The following IPO5 variants were observed in gnomAD, a reference collection of about 807,000 sequenced individuals.
IPO5 encodes the protein importin-5.
IPO5 carries 18 observed loss-of-function variants against 143.3 expected under a neutral mutation model. The ratio of observed to expected loss-of-function variants is 0.13; its 90% CI spans 0.09 to 0.19. The LOEUF (loss-of-function observed/expected upper bound fraction) is 0.19, where lower values mean the gene tolerates loss of function less well. Among genes scored for constraint, IPO5 ranks in the 10% least tolerant of loss-of-function variants. The pLI is 1.00. For missense variants in IPO5, 1,013 were observed against 1,336.9 expected, an observed-to-expected ratio of 0.76 and a Z score of 3.78; for synonymous variants, 477 against 465.7, an observed-to-expected ratio of 1.02 and a Z score of -0.31.
intron 16 of IPO5, among the ~76,000 whole-genome samples, chr13:98,005,602 T>G (rs1310340260): frequency 6.6e-6 from 1 of 151,944 alleles, no homozygotes; most frequent in Non-Finnish European, 1.5e-5. Context: ...CACCAGATCT[T>G]TGGTGCAGAG....
chr13:98,014,331 G>T, intron 22 of IPO5, 117 bp downstream of exon 22: 1 of 690,380 alleles, frequency 1.4e-6, no homozygotes, highest in Non-Finnish European at 2.3e-6. Context: ...AGGCTGGAGT[G>T]CAGTGGCGCA....
chr13:98,006,058 G>A (rs1471655060), intron 16 of IPO5, 72 bp from the exon 17 acceptor site: 1 of 976,736 alleles, frequency 1.0e-6, no homozygotes, highest in Non-Finnish European at 1.6e-6. Context: ...GAACTTGAAG[G>A]GAGTAGTAAT....
chr13:98,019,593 T>C lies in IPO5; in HGVS notation c.2849T>C (p.Leu950Pro). ...YRPFCTEALP[L>P]LVRVIQSADS... ...ATGCTTATTTTAGAAGCACTTCCCC[T>C]GCTGGTAAGAGTTATTCAGTCTGCG... is the stretch of plus-strand genomic sequence containing the variant. Residue 950 changes from leucine to proline, a missense_variant, in exon 27 of 29, where the codon CTG becomes CCG. By Grantham distance (98) the Leu-to-Pro change is moderately conservative. Coordinates refer to ENST00000651721, the MANE Select transcript of IPO5 (RefSeq NM_002271.6). The C allele has an allele frequency of 2.5e-6, 4 of 1,612,600 alleles. No homozygotes were observed. Among genetic ancestry groups the C allele is most frequent in the Non-Finnish European group, 3.4e-6 (4 of 1,178,860 alleles).
intron 17 of IPO5, chr13:98,007,488 T>TA (rs1176027508): frequency 3.3e-5 from 5 of 152,414 alleles, no homozygotes; most frequent in African/African-American, 1.2e-4. Flanking sequence ...CCCTGAGAAT[T>TA]ATCAACAGAG....
chr13:98,016,361 C>T (rs1045836532), intron 24 of IPO5, among the ~76,000 whole-genome samples: 3 of 152,130 alleles, frequency 2.0e-5, no homozygotes, highest in African/African-American at 7.2e-5. Context: ...CACCATCCAC[C>T]CCGAAATGAG....
intron 13 of IPO5, among the ~76,000 whole-genome samples, chr13:98,001,074 A>G (rs1888729541): frequency 6.6e-6 from 1 of 152,258 alleles, no homozygotes; most frequent in East Asian, 1.9e-4. Context: ...GGATTTCGCC[A>G]TGTTGCCCAG....
intron 12 of IPO5, among the ~76,000 whole-genome samples, chr13:97,997,822 T>G (rs1888427123): frequency 6.6e-6 from 1 of 152,218 alleles, no homozygotes; most frequent in South Asian, 2.1e-4. Flanking sequence ...TTAATAAAAT[T>G]TATGTTTCTT....
At chr13:97,977,164 C>T (rs942831088) in intron 4 of IPO5, 23 of 155,072 alleles carry the variant, frequency 1.5e-4, no homozygotes, top group Admixed American at 5.2e-4. Context: ...CCCCCACTGC[C>T]CTTCCAGCCG....
At position 98,008,154 on chromosome 13, in the gene IPO5, T is replaced by TA; in HGVS notation, c.1800+14dup. 2 of 1,534,308 alleles carry TA rather than the reference T, an allele frequency of 1.3e-6. No individual in the cohort carries two copies. The highest frequency in any genetic ancestry group is 1.8e-6 in the Non-Finnish European group (2 of 1,107,558). On this transcript the variant is annotated intron_variant, in intron 18 of 28. Coordinates refer to ENST00000651721, the MANE Select transcript of IPO5 (RefSeq NM_002271.6). ...ATGATGATCCTCAGGTAAGTGGTCT[T>TA]AATGCATTTGCTTTGATCCGCTAAT... is the stretch of plus-strand genomic sequence containing the variant.
intron 5 of IPO5, 33 bp from the exon 6 acceptor site, chr13:97,985,388 A>G: frequency 6.5e-7 from 1 of 1,532,712 alleles, no homozygotes; most frequent in Middle Eastern, 1.7e-4. Context: ...TGGCAGAGTG[A>G]ATCTAGTTAT....
chr13:98,001,323 A>G (rs1314920889), intron 13 of IPO5, among the ~76,000 whole-genome samples: 1 of 152,160 alleles, frequency 6.6e-6, no homozygotes, highest in African/African-American at 2.4e-5. Flanking sequence ...ATTAAAATTC[A>G]GAAGTATTAA....
intron 22 of IPO5, 106 bp from the exon 23 acceptor site, chr13:98,015,424 G>A: frequency 3.0e-6 from 2 of 663,798 alleles, no homozygotes; most frequent in Non-Finnish European, 5.4e-6. Context: ...AATCTTCCAG[G>A]ATACTGAACT....
chr13:97,994,306 T>A (rs201938086), intron 11 of IPO5, among the ~76,000 whole-genome samples: 1 of 149,576 alleles, frequency 6.7e-6, no homozygotes, highest in South Asian at 2.2e-4. Flanking sequence ...GAAACTCGTC[T>A]CAAAAAAAAG....
chr13:97,973,610 T>C (rs1886013920), intron 3 of IPO5, among the ~76,000 whole-genome samples: 1 of 152,210 alleles, frequency 6.6e-6, no homozygotes, highest in South Asian at 2.1e-4. Context: ...TCTTCATTCA[T>C]TAACCTTAAA....
intron 17 of IPO5, among the ~76,000 whole-genome samples, chr13:98,006,610 G>A (rs1256421394): frequency 3.4e-4 from 52 of 151,464 alleles, no homozygotes; most frequent in Non-Finnish European, 3.4e-4. Flanking sequence ...TCCTGACCTC[G>A]TGATCCGCCC....
In IPO5 at chr13:98,024,044, T is replaced by C. The variant is rs1890636346; in HGVS notation, c.*2222T>C. On this transcript the variant is annotated 3_prime_UTR_variant, in exon 29 of 29. Coordinates refer to ENST00000651721, the MANE Select transcript of IPO5 (RefSeq NM_002271.6). ...ATATATATTGTTTATAAATGCAAGC[T>C]ATTTCTGGAGGGGAAAAATGTGTGT... 6.6e-6 allele frequency: 1 copy of C among 152,240 alleles called. No homozygotes were observed. Among genetic ancestry groups the C allele is most frequent in the African/African-American group, 2.4e-5 (1 of 41,472 alleles). The allele number at this position is 152,240 out of a possible 1,614,324, so 9.4% of individuals were successfully genotyped here. A position where few individuals can be genotyped will look rare whatever the true frequency, so the allele number is the denominator to read the frequency against.
chr13:98,000,405 C>T, intron 12 of IPO5, 134 bp from the exon 13 acceptor site: 1 of 578,062 alleles, frequency 1.7e-6, no homozygotes, highest in Non-Finnish European at 3.1e-6. Flanking sequence ...AATTTCAATT[C>T]CACATTTAAA....
In IPO5 at chr13:97,990,597, A is replaced by G; in HGVS notation, c.669+60A>G. On this transcript the variant is annotated intron_variant, in intron 9 of 28. Transcript: ENST00000651721. ...TCTTATTTGGTTCTTTAATGCATTC[A>G]ATCATTTATGCAATAAATTCATATT... 4.4e-6 allele frequency: 4 copies of G among 916,522 alleles called. No individual in the cohort carries two copies. The South Asian group carries it at 6.1e-5, about 14-fold the overall frequency. 56.8% of individuals were successfully genotyped at this position (916,522 alleles called of 1,614,324 possible).
intron 3 of IPO5, 61 bp downstream of exon 3, chr13:97,969,891 G>T: frequency 1.5e-6 from 2 of 1,302,652 alleles, no homozygotes; most frequent in South Asian, 2.5e-5. Flanking sequence ...AAGAGACAAG[G>T]TCTCGCCATG....
Sources: allele counts gnomAD v4.1 joint callset (sites outside exome capture counted in the v4.1 genomes callset), GRCh38; gene constraint gnomAD v4.1.1; transcripts MANE v1.5; gene names NCBI Gene and HGNC (gene_info 2026-07-23, HGNC 2026-07-21).